MAN1C1: variants seen among roughly 807,000 people sequenced by gnomAD.
MAN1C1 encodes mannosyl-oligosaccharide 1,2-alpha-mannosidase IC.
Under a neutral mutation model 71.5 loss-of-function variants are expected in MAN1C1, and 49 were observed. That is an observed-to-expected ratio of 0.69 (90% CI 0.54 to 0.87). MAN1C1 has a LOEUF of 0.87. MAN1C1 is among the 40% of genes least tolerant of loss of function. The pLI, the probability that MAN1C1 is intolerant of heterozygous loss-of-function variation, is 0.00. For synonymous variants in MAN1C1, 352 were observed against 343.7 expected (o/e 1.02, Z -0.27); for missense variants, 743 against 835.0 (o/e 0.89, Z 1.36).
chr1:25,737,837 T>G (rs1381565279), intron 2 of MAN1C1, among the ~76,000 whole-genome samples: 1 of 152,014 alleles, frequency 6.6e-6, no homozygotes, highest in Non-Finnish European at 1.5e-5. Flanking sequence ...AAGGAAGGCA[T>G]CCCAGGCAGA....
chr1:25,746,521 A>C lies in MAN1C1; in HGVS notation c.638-147A>C. On this transcript the variant is annotated intron_variant, in intron 2 of 11. Coordinates refer to ENST00000374332, the MANE Select transcript of MAN1C1 (RefSeq NM_020379.4). This position sits in a 1 kb window ranked among gnomAD's most constrained non-coding sequence, Gnocchi z 4.0. ...TCTCGGCGTCACCTTCGATGGTGGC[A>C]CTGGAGTCCCCCGGATGGTGCCTGA... 1.5e-6 allele frequency: 1 copy of C among 688,316 alleles called. No homozygotes were observed. The allele number at this position is 688,316 out of a possible 1,614,324, so 42.6% of individuals were successfully genotyped here. A position where few individuals can be genotyped will look rare whatever the true frequency, so the allele number is the denominator to read the frequency against.
chr1:25,719,763 G>A (rs186288505), intron 2 of MAN1C1, among the ~76,000 whole-genome samples: 71 of 152,136 alleles, frequency 4.7e-4, no homozygotes, highest in Non-Finnish European at 7.9e-4. Flanking sequence ...TGGGTGGAAA[G>A]TGATATCTCA....
At position 25,617,187 on chromosome 1, in the gene MAN1C1, G is replaced by C. The variant is rs568909521; in HGVS notation, c.-611G>C. ...GCTCCCAGCTCCCGGCGCCCTCTCC[G>C]CGGCGGAGAAAGTTGTGGACGTGTC... On this transcript the variant is annotated 5_prime_UTR_variant, in exon 1 of 12. Transcript: ENST00000374332. This position sits in a 1 kb window ranked among gnomAD's most constrained non-coding sequence, Gnocchi z 5.1. Among the ~76,000 whole-genome samples the C allele has an allele frequency of 2.1e-3, 313 of 151,826 alleles. No homozygotes were observed. Among genetic ancestry groups the C allele is most frequent in the African/African-American group, 6.9e-3 (286 of 41,492 alleles).
intron 2 of MAN1C1, among the ~76,000 whole-genome samples, chr1:25,727,595 C>G (rs1289039934): frequency 6.6e-6 from 1 of 152,238 alleles, no homozygotes; most frequent in East Asian, 1.9e-4. Flanking sequence ...CAAAAGGACA[C>G]GGAGTGCCCA....
chr1:25,637,153 CA>C (rs1189572131), intron 1 of MAN1C1, among the ~76,000 whole-genome samples: 18 of 144,958 alleles, frequency 1.2e-4, no homozygotes, highest in South Asian at 2.2e-4. Context: ...AACTCTGTCT[CA>C]AAAAAAAAAA....
intron 1 of MAN1C1, among the ~76,000 whole-genome samples, chr1:25,660,357 C>T (rs1202347388): frequency 2.7e-5 from 4 of 148,688 alleles, no homozygotes; most frequent in Admixed American, 2.0e-4. Flanking sequence ...GCTGAGATCG[C>T]GCCATTGCAC....
chr1:25,719,373 C>T (rs1316208461), intron 2 of MAN1C1, among the ~76,000 whole-genome samples: 3 of 148,666 alleles, frequency 2.0e-5, no homozygotes, highest in African/African-American at 7.4e-5. Context: ...GTGCCCAGCC[C>T]CAATACTTAT....
At chr1:25,638,420 T>C (rs1211932959) in intron 1 of MAN1C1, among the ~76,000 whole-genome samples, 1 of 152,216 alleles carries the variant, frequency 6.6e-6, no homozygotes, top group East Asian at 1.9e-4. Context: ...GTCAGTTGTC[T>C]TAAATAAATT....
In MAN1C1 at chr1:25,746,797, C is replaced by T. The variant is rs369966807; in HGVS notation, c.753+14C>T. ...CACCTGAACGTGGTGAGTCAGAGGC[C>T]CTCGGCGGGGGAGGGGGGCGGGGGC... On this transcript the variant is annotated intron_variant, in intron 3 of 11. Coordinates refer to ENST00000374332, the MANE Select transcript of MAN1C1 (RefSeq NM_020379.4). This position sits in a 1 kb window ranked among gnomAD's most constrained non-coding sequence, Gnocchi z 4.0. The T allele has an allele frequency of 3.8e-5, 56 of 1,470,402 alleles. No individual in the cohort carries two copies. In the African/African-American group the frequency reaches 7.0e-4, roughly 18 times the overall value. 91.1% of individuals were successfully genotyped at this position (1,470,402 alleles called of 1,614,324 possible).
intron 1 of MAN1C1, among the ~76,000 whole-genome samples, chr1:25,671,283 T>C (rs2045989118): frequency 6.6e-6 from 1 of 152,182 alleles, no homozygotes; most frequent in Admixed American, 6.5e-5. Flanking sequence ...GATTAAATGC[T>C]CGTGAAGGGC....
intron 2 of MAN1C1, among the ~76,000 whole-genome samples, chr1:25,696,125 C>T (rs140223733): frequency 1.2e-4 from 18 of 152,254 alleles, no homozygotes; most frequent in African/African-American, 3.1e-4. Context: ...CAGCGTGTTC[C>T]GCCCACTTTG....
chr1:25,772,030 C>G (rs2047559803), intron 8 of MAN1C1: 1 of 443,964 alleles, frequency 2.3e-6, no homozygotes, highest in African/African-American at 2.0e-5. Flanking sequence ...GTCATTTATC[C>G]AAGGTCTCAC....
intron 2 of MAN1C1, among the ~76,000 whole-genome samples, chr1:25,726,851 T>G: frequency 6.9e-6 from 1 of 145,456 alleles, no homozygotes; most frequent in African/African-American, 2.6e-5. Context: ...AGTTCAGGAG[T>G]GTGAGACCAA....
chr1:25,782,300 C>CT lies in MAN1C1; in HGVS notation c.1651-284dup. 6.6e-6 allele frequency among the ~76,000 whole-genome samples: 1 copy of CT among 152,238 alleles called. No individual in the cohort carries two copies. The highest frequency in any genetic ancestry group is 1.9e-4 in the East Asian group (1 of 5,166). On this transcript the variant is annotated intron_variant, in intron 10 of 11. Coordinates refer to ENST00000374332, the MANE Select transcript of MAN1C1 (RefSeq NM_020379.4). This position sits in a 1 kb window ranked among gnomAD's most constrained non-coding sequence, Gnocchi z 4.4. The stretch of plus-strand genomic sequence containing the variant: ...CCTGAAACACAAAGAGAAGCTTCCT[C>CT]TAAGTTCAAACCAGGTGAAGAGCTC...
chr1:25,702,791 A>G (rs2046464060), intron 2 of MAN1C1, among the ~76,000 whole-genome samples: 1 of 152,230 alleles, frequency 6.6e-6, no homozygotes. Flanking sequence ...TGTCATCATG[A>G]TTACCATTAT....
intron 1 of MAN1C1, 97 bp downstream of exon 1, chr1:25,618,434 C>A: frequency 1.6e-6 from 2 of 1,239,356 alleles, no homozygotes; most frequent in Non-Finnish European, 2.2e-6. Flanking sequence ...CTCAGTCACT[C>A]CTGGTCCCAG....
At chr1:25,661,019 T>C (rs894807864) in intron 1 of MAN1C1, among the ~76,000 whole-genome samples, 1 of 152,162 alleles carries the variant, frequency 6.6e-6, no homozygotes. Context: ...ATGACAGTAT[T>C]CAAAACTTAC....
At chr1:25,689,193 A>T (rs921234767) in intron 2 of MAN1C1, among the ~76,000 whole-genome samples, 1 of 152,210 alleles carries the variant, frequency 6.6e-6, no homozygotes, top group Middle Eastern at 3.4e-3. Context: ...CTCTGCCAAG[A>T]CATGCACTGG....
chr1:25,632,235 G>C (rs2124754194), intron 1 of MAN1C1, among the ~76,000 whole-genome samples: 1 of 152,272 alleles, frequency 6.6e-6, no homozygotes, highest in Non-Finnish European at 1.5e-5. Flanking sequence ...TAATCTAGGA[G>C]GGTTGTATGT....
Sources: allele counts gnomAD v4.1 joint callset (sites outside exome capture counted in the v4.1 genomes callset), GRCh38; gene constraint gnomAD v4.1.1; non-coding constraint Gnocchi (gnomAD v3.1); transcripts MANE v1.5; gene names NCBI Gene and HGNC (gene_info 2026-07-23, HGNC 2026-07-21).